TRPM2: variants seen among roughly 807,000 people sequenced by gnomAD.
TRPM2 encodes the protein transient receptor potential cation channel subfamily M member 2.
A neutral mutation model predicts 174.0 loss-of-function variants in TRPM2; 161 were observed. The observed-to-expected ratio is 0.93, with a 90% CI of 0.81 to 1.05. The LOEUF is 1.05. Among genes scored for constraint, TRPM2 ranks in the 50% least tolerant of loss-of-function variants. The probability of loss-of-function intolerance (pLI) is 0.00; values close to 1 mark genes in which losing one functional copy is unlikely to be tolerated. For missense variants in TRPM2, 2,057 were observed against 2,038.0 expected (o/e 1.01, Z -0.18); for synonymous variants, 954 against 861.3 (o/e 1.11, Z -1.88).
chr21:44,378,226 T>C (rs1359465544), intron 7 of TRPM2, among the ~76,000 whole-genome samples: 1 of 152,244 alleles, frequency 6.6e-6, no homozygotes, highest in Non-Finnish European at 1.5e-5. Context: ...TTGAATGCGC[T>C]GCTCTGCCGG....
intron 24 of TRPM2, 23 bp from the exon 25 acceptor site, chr21:44,425,647 C>A: frequency 6.8e-7 from 1 of 1,475,688 alleles, no homozygotes. Flanking sequence ...CGCCTTGCGT[C>A]ACGTCTTCCT....
intron 22 of TRPM2, among the ~76,000 whole-genome samples, chr21:44,420,593 CCTT>C (rs1428619685): frequency 3.3e-5 from 5 of 152,186 alleles, no homozygotes; most frequent in Non-Finnish European, 7.3e-5. Context: ...GCCCTGACAA[CCTT>C]CTCTTACTTG....
intron 22 of TRPM2, among the ~76,000 whole-genome samples, chr21:44,419,872 GT>G (rs1328267035): frequency 2.0e-5 from 3 of 150,670 alleles, no homozygotes; most frequent in Non-Finnish European, 4.4e-5. Flanking sequence ...GGTGGTAGCG[GT>G]GATGGTGGTG....
intron 9 of TRPM2, among the ~76,000 whole-genome samples, chr21:44,386,106 C>A (rs1602186363): frequency 6.6e-6 from 1 of 152,172 alleles, no homozygotes; most frequent in Non-Finnish European, 1.5e-5. Flanking sequence ...GCCACATTTG[C>A]CAGGTGTGAT....
At chr21:44,362,925 C>T (rs1444424697) in intron 2 of TRPM2, among the ~76,000 whole-genome samples, 1 of 152,132 alleles carries the variant, frequency 6.6e-6, no homozygotes, top group Non-Finnish European at 1.5e-5. Context: ...AGGCTGCTGC[C>T]ACCATGCCCA....
intron 16 of TRPM2, among the ~76,000 whole-genome samples, chr21:44,402,488 C>T (rs373616208): frequency 2.6e-5 from 4 of 152,112 alleles, no homozygotes; most frequent in East Asian, 1.9e-4. Flanking sequence ...GAGAGGCTCG[C>T]GGGCCTTGGT....
chr21:44,378,227 G>A (rs1288019095), intron 7 of TRPM2, among the ~76,000 whole-genome samples: 2 of 152,254 alleles, frequency 1.3e-5, no homozygotes, highest in Non-Finnish European at 2.9e-5. Flanking sequence ...TGAATGCGCT[G>A]CTCTGCCGGC....
rs1569078006 is a variant in TRPM2 at position 44,406,757 on chromosome 21, ACATCGACGGTAGGAGCCGGGCGC to A, written c.2958_2962+18del. ...ACCATCTTCGGGCAGATCCCGGGCT[ACATCGACGGTAGGAGCCGGGCGC>A]CATGGGAGCTCGGGTGGTGCTGCCG... On this transcript the variant is annotated splice_donor_variant and splice_donor_5th_base_variant and coding_sequence_variant and intron_variant, in exon 19 of 32. Coordinates refer to ENST00000397928, the MANE Select transcript of TRPM2 (RefSeq NM_003307.4). LOFTEE classifies it high-confidence loss of function. 1 of 1,603,118 alleles carries A rather than the reference ACATCGACGGTAGGAGCCGGGCGC, an allele frequency of 6.2e-7. No homozygotes were observed. Among genetic ancestry groups the A allele is most frequent in the Admixed American group, 1.7e-5 (1 of 58,114 alleles).
At position 44,390,951 on chromosome 21, in the gene TRPM2, C is replaced by T; in HGVS notation, c.1366C>T (p.Leu456=). ...HFGHENWDHQ[L]KLAVAWNRVD... ...TGGCCACGAGAACTGGGACCACCAG[C>T]TGAAACTGGCAGTGGCATGGAATCG... The change falls in exon 10 of 32, where the codon CTG becomes TTG. Residue 456 remains leucine (L), a synonymous_variant. Coordinates refer to ENST00000397928, the MANE Select transcript of TRPM2 (RefSeq NM_003307.4). 1 of 1,614,144 alleles carries T rather than the reference C, an allele frequency of 6.2e-7. No individual in the cohort carries two copies. The highest frequency in any genetic ancestry group is 8.5e-7 in the Non-Finnish European group (1 of 1,180,040).
At position 44,391,607 on chromosome 21, in the gene TRPM2, T is replaced by TC; in HGVS notation, c.1780dup (p.His594ProfsTer31). On this transcript the variant is annotated frameshift_variant, in exon 11 of 32. Transcript: ENST00000397928. LOFTEE classifies it high-confidence loss of function. The surrounding 1 kb of genome is among the most constrained non-coding windows in gnomAD (Gnocchi z 5.0). ...ACCGGCTGCGGCTCCTGCTGCCCGTTCCCCACGTCAAGCTCAACGTGCGTG... is the reference window on the plus strand; with the variant it reads ...ACCGGCTGCGGCTCCTGCTGCCCGTTCCCCCACGTCAAGCTCAACGTGCGTG... The TC allele has an allele frequency of 6.3e-7, 1 of 1,579,954 alleles. No individual in the cohort carries two copies. The highest frequency in any genetic ancestry group is 1.1e-5 in the South Asian group (1 of 88,678).
chr21:44,381,952 G>GGATAGATAGATAGATA (rs71197895), intron 8 of TRPM2, among the ~76,000 whole-genome samples: 1 of 143,480 alleles, frequency 7.0e-6, no homozygotes, highest in African/African-American at 2.6e-5. Flanking sequence ...ATAGATAGAT[G>GGATAGATAGATAGATA]GATAGATAGA....
At chr21:44,392,715 G>A (rs550042305) in intron 11 of TRPM2, among the ~76,000 whole-genome samples, 8 of 151,998 alleles carry the variant, frequency 5.3e-5, no homozygotes, top group East Asian at 3.9e-4. Flanking sequence ...ATTTTAGGGG[G>A]GACAGAGTTG....
intron 9 of TRPM2, among the ~76,000 whole-genome samples, chr21:44,385,244 A>T (rs2048985603): frequency 6.6e-6 from 1 of 152,222 alleles, no homozygotes; most frequent in African/African-American, 2.4e-5. Context: ...CATTCAACAA[A>T]TTAGGAATAA....
In TRPM2 at chr21:44,371,552, C is replaced by T. The variant is rs566323950; in HGVS notation, c.771+2209C>T. 9.9e-5 allele frequency among the ~76,000 whole-genome samples: 15 copies of T among 152,228 alleles called. No homozygotes were observed. The East Asian group carries it at 1.9e-3, about 20-fold the overall frequency. ...CCCTCCAGTCTCTGCCTCCGTGTCC[C>T]GTGGCCTTCTCTGTGTGCCTGTGTC... On this transcript the variant is annotated intron_variant, in intron 5 of 31. Transcript: ENST00000397928.
chr21:44,423,277 C>T (rs553865291), intron 22 of TRPM2: 6 of 280,714 alleles, frequency 2.1e-5, no homozygotes, highest in South Asian at 8.8e-5. Flanking sequence ...GCAACAGTGC[C>T]GCGCCACATC....
Position 44,406,033 on chromosome 21 carries a change from G to A in TRPM2, c.2786G>A (p.Arg929Gln), listed in dbSNP as rs202130550. ...GGGCCCAAGATCATCATTGTGAAGC[G>A]GATGGTAAGGGGGCGGGGGCACCGG... ...TLGPKIIIVK[R>Q]MMKDVFFFLF... Residue 929 changes from arginine to glutamine, a missense_variant, in exon 18 of 32, where the codon CGG (arginine) becomes CAG (glutamine). By Grantham distance (43) the Arg-to-Gln change is conservative (BLOSUM62 1). Coordinates refer to ENST00000397928, the MANE Select transcript of TRPM2 (RefSeq NM_003307.4). 217 of 1,605,702 alleles carry A rather than the reference G, an allele frequency of 1.4e-4. No homozygotes were observed. Among genetic ancestry groups the A allele is most frequent in the African/African-American group, 2.4e-4 (18 of 74,918 alleles).
chr21:44,359,222 A>G (rs2048144183), intron 2 of TRPM2, among the ~76,000 whole-genome samples: 1 of 151,836 alleles, frequency 6.6e-6, no homozygotes, highest in Non-Finnish European at 1.5e-5. Flanking sequence ...TTTACAGAGC[A>G]CCAATTGGTC....
intron 20 of TRPM2, chr21:44,416,103 A>C: frequency 6.6e-6 from 1 of 152,278 alleles, no homozygotes; most frequent in African/African-American, 2.4e-5. Flanking sequence ...CATGGTCCAC[A>C]GAAAGCCCAG....
rs2050723181 is a variant in TRPM2 at position 44,425,375 on chromosome 21, G to A, written c.3638-295G>A. On this transcript the variant is annotated intron_variant, in intron 24 of 31. Transcript: ENST00000397928. Reference sequence around the variant, plus strand: ...CTGCTGAGTTTCGCCGGCCCTCAAGGAGCATATTTGCCCTCGTAACCGCAC... The same window carrying A: ...CTGCTGAGTTTCGCCGGCCCTCAAGAAGCATATTTGCCCTCGTAACCGCAC... 7.1e-6 allele frequency: 3 copies of A among 421,026 alleles called. No individual in the cohort carries two copies. The South Asian group carries it at 2.1e-4, about 30-fold the overall frequency. The allele number at this position is 421,026 out of a possible 1,614,324, so 26.1% of individuals were successfully genotyped here. A position where few individuals can be genotyped will look rare whatever the true frequency, so the allele number is the denominator to read the frequency against.
Sources: gnomAD v4.1 joint callset for allele counts (sites outside exome capture counted in the v4.1 genomes callset) on GRCh38, gnomAD v4.1.1 for gene constraint, Gnocchi (gnomAD v3.1) non-coding constraint, MANE v1.5 for transcripts, NCBI Gene and HGNC (gene_info 2026-07-23, HGNC 2026-07-21) for gene names.